The following DHX35 variants were observed in gnomAD, a reference collection of about 807,000 sequenced individuals.
DHX35 encodes probable ATP-dependent RNA helicase DHX35.
DHX35 carries 84 observed loss-of-function variants against 99.6 expected under a neutral mutation model. The observed-to-expected ratio is 0.84, with a 90% CI of 0.71 to 1.01. The LOEUF is 1.01. Ranked by LOEUF, DHX35 falls within the 50% of genes least tolerant of loss-of-function variation. The probability of loss-of-function intolerance (pLI) is 0.00; values close to 1 mark genes in which losing one functional copy is unlikely to be tolerated. For missense variants in DHX35, 852 were observed against 888.5 expected (o/e 0.96, Z 0.52); for synonymous variants, 331 against 316.2 (o/e 1.05, Z -0.50).
chr20:38,979,749 T>C (rs1188514681), intron 3 of DHX35, among the ~76,000 whole-genome samples: 1 of 151,946 alleles, frequency 6.6e-6, no homozygotes, highest in African/African-American at 2.4e-5. Flanking sequence ...GTACCTTTCC[T>C]TGGGAAAAAA....
At chr20:38,992,325 G>A in intron 6 of DHX35, 31 bp from the exon 7 acceptor site, 1 of 1,602,464 alleles carries the variant, frequency 6.2e-7, no homozygotes, top group Non-Finnish European at 8.6e-7. Context: ...CTTTTTTAGA[G>A]GCTCACTGAG....
Position 39,001,828 on chromosome 20 carries a change from C to A in DHX35, c.741C>A (p.Ile247=), listed in dbSNP as rs201971902. The A allele has an allele frequency of 1.2e-6, 2 of 1,610,768 alleles. No homozygotes were observed. The highest frequency in any genetic ancestry group is 1.7e-6 in the Non-Finnish European group (2 of 1,177,540). ...AAGGGAGAACATTTCCGGTGGATAT[C>A]TTTTATCTACAAAGGTTTGATGATG... ...TVEGRTFPVD[I]FYLQSPVPDY... is the part of the protein sequence containing the mutation. The change falls in exon 9 of 22, where the codon ATC becomes ATA. Residue 247 remains isoleucine (I), a synonymous_variant. Transcript: ENST00000252011.
chr20:38,992,137 A>G (rs973938538), intron 6 of DHX35, among the ~76,000 whole-genome samples: 1 of 152,252 alleles, frequency 6.6e-6, no homozygotes, highest in East Asian at 1.9e-4. Flanking sequence ...TAAAACGCTT[A>G]AAGATAACAA....
At chr20:38,971,082 T>C (rs1279587751) in intron 2 of DHX35, among the ~76,000 whole-genome samples, 2 of 152,206 alleles carry the variant, frequency 1.3e-5, no homozygotes, top group Admixed American at 6.5e-5. Flanking sequence ...CTCGGTGTGG[T>C]GGCTTACGGC....
chr20:39,036,089 A>G (rs565785617), intron 21 of DHX35, among the ~76,000 whole-genome samples: 2 of 152,348 alleles, frequency 1.3e-5, no homozygotes, highest in East Asian at 3.9e-4. Flanking sequence ...AAGGTAAACT[A>G]GAGGTTGAAA....
chr20:39,004,291 T>A (rs2086576493), intron 11 of DHX35, among the ~76,000 whole-genome samples: 1 of 152,172 alleles, frequency 6.6e-6, no homozygotes, highest in South Asian at 2.1e-4. Context: ...GGTCTCGATC[T>A]CCTGACCTTG....
At chr20:38,979,174 A>G (rs1052779702) in intron 3 of DHX35, among the ~76,000 whole-genome samples, 1 of 151,334 alleles carries the variant, frequency 6.6e-6, no homozygotes, top group Non-Finnish European at 1.5e-5. Flanking sequence ...TTTTTTTTCC[A>G]GTTCCATAGA....
At chr20:38,991,359 C>A in intron 5 of DHX35, 95 bp from the exon 6 acceptor site, 1 of 1,034,856 alleles carries the variant, frequency 9.7e-7, no homozygotes, top group Non-Finnish European at 1.4e-6. Flanking sequence ...TACTTGTACA[C>A]ATGCTGGCAA....
At chr20:38,969,302 C>T (rs1373090724) in intron 2 of DHX35, 88 bp downstream of exon 2, 2 of 1,417,082 alleles carry the variant, frequency 1.4e-6, no homozygotes, top group Non-Finnish European at 1.9e-6. Flanking sequence ...ATGATGGCCT[C>T]TTTCTAGAAC....
chr20:38,997,564 G>A (rs751949096), intron 8 of DHX35, among the ~76,000 whole-genome samples: 1 of 152,102 alleles, frequency 6.6e-6, no homozygotes, highest in Non-Finnish European at 1.5e-5. Flanking sequence ...GCTGTGGTAC[G>A]GGACATGCTG....
chr20:39,014,900 GGT>G lies in DHX35; in HGVS notation c.1369_1370del (p.Val457SerfsTer20). On this transcript the variant is annotated frameshift_variant, in exon 14 of 22. Coordinates refer to ENST00000252011, the MANE Select transcript of DHX35 (RefSeq NM_021931.4). LOFTEE classifies it high-confidence loss of function. ...FMSPPPAQSM[V>X]QALELLYALG... Reference sequence around the variant, plus strand: ...TCCAGCCCCCTCCAGCACAGTCGATGGTTCAAGCCTTGGAGTTACTGTATGCT... The same window carrying G: ...TCCAGCCCCCTCCAGCACAGTCGATGTCAAGCCTTGGAGTTACTGTATGCT... The G allele has an allele frequency of 4.3e-6, 7 of 1,614,140 alleles. No homozygotes were observed. The highest frequency in any genetic ancestry group is 1.3e-5 in the African/African-American group (1 of 75,026).
intron 4 of DHX35, among the ~76,000 whole-genome samples, chr20:38,984,277 G>A (rs528812916): frequency 1.9e-4 from 29 of 152,110 alleles, no homozygotes; most frequent in Admixed American, 1.6e-3. Flanking sequence ...CATTATGAAC[G>A]TTTTAAACAA....
At chr20:39,036,603 G>A (rs4812354) in intron 21 of DHX35, among the ~76,000 whole-genome samples, 21,847 of 151,546 alleles carry the variant, frequency 0.14, 1,692 homozygotes, top group East Asian at 0.29. Flanking sequence ...GCATGTGCCT[G>A]TAATCCCAGC....
intron 3 of DHX35, chr20:38,978,188 A>G: frequency 9.7e-7 from 1 of 1,033,516 alleles, no homozygotes; most frequent in Non-Finnish European, 1.5e-6. Context: ...GACATTTTCA[A>G]AGTTGCCAGT....
At chr20:38,997,700 C>G (rs2086452414) in intron 8 of DHX35, among the ~76,000 whole-genome samples, 1 of 151,872 alleles carries the variant, frequency 6.6e-6, no homozygotes, top group Non-Finnish European at 1.5e-5. Context: ...TGAGTCATCT[C>G]TGTGTGGGTT....
Position 39,006,255 on chromosome 20 carries a change from T to A in DHX35, c.1121T>A (p.Ile374Asn). The stretch of plus-strand genomic sequence containing the variant: ...CGAGCCTACAATCCCAGGACAGCTA[T>A]TGAATGCTTGGTGGTGGTGCCAGTC... The part of the protein sequence containing the change: ...KLRAYNPRTA[I>N]ECLVVVPVSQ... The change falls in exon 12 of 22, where the codon ATT becomes AAT. Residue 374 changes from isoleucine to asparagine, a missense_variant. Transcript: ENST00000252011. 3 of 1,614,146 alleles carry A rather than the reference T, an allele frequency of 1.9e-6. No homozygotes were observed. The highest frequency in any genetic ancestry group is 1.7e-6 in the Non-Finnish European group (2 of 1,180,012).
At chr20:38,988,698 T>C in intron 4 of DHX35, 115 bp from the exon 5 acceptor site, 2 of 1,407,600 alleles carry the variant, frequency 1.4e-6, no homozygotes, top group Non-Finnish European at 1.9e-6. Flanking sequence ...TCTTTTCATT[T>C]TTCATTGTGT....
rs2086337651 is a variant in DHX35, at chr20:38,991,526, T to G, written c.512+11T>G. The G allele has an allele frequency of 6.2e-7, 1 of 1,611,932 alleles. No homozygotes were observed. Among genetic ancestry groups the G allele is most frequent in the East Asian group, 2.2e-5 (1 of 44,768 alleles). ...GTTAACAAAATATAGGTAAATGTGT[T>G]TTTCTTATGATAGCTTTCCTAGTTT... On this transcript the variant is annotated intron_variant, in intron 6 of 21. Transcript: ENST00000252011.
chr20:38,984,270 T>G (rs2086217884), intron 4 of DHX35, among the ~76,000 whole-genome samples: 2 of 152,148 alleles, frequency 1.3e-5, no homozygotes, highest in African/African-American at 4.8e-5. Flanking sequence ...TCCTGCACAT[T>G]ATGAACGTTT....
Sources: allele counts gnomAD v4.1 joint callset (sites outside exome capture counted in the v4.1 genomes callset), GRCh38; gene constraint gnomAD v4.1.1; transcripts MANE v1.5; gene names NCBI Gene and HGNC (gene_info 2026-07-23, HGNC 2026-07-21).